The following ERBB4 variants were observed in gnomAD, a reference collection of about 807,000 sequenced individuals.
ERBB4 encodes erb-b2 receptor tyrosine kinase 4.
ERBB4 carries 42 observed loss-of-function variants against 158.0 expected under a neutral mutation model. That is an observed-to-expected ratio of 0.27 (90% CI 0.21 to 0.34). The LOEUF (loss-of-function observed/expected upper bound fraction) is 0.34, where lower values mean the gene tolerates loss of function less well. Ranked by LOEUF, ERBB4 falls within the 10% of genes least tolerant of loss-of-function variation. The pLI, the probability that ERBB4 is intolerant of heterozygous loss-of-function variation, is 1.00. For missense variants in ERBB4, 1,333 were observed against 1,624.1 expected, an observed-to-expected ratio of 0.82 and a Z score of 3.08; for synonymous variants, 583 against 558.7, an observed-to-expected ratio of 1.04 and a Z score of -0.61.
intron 12 of ERBB4, among the ~76,000 whole-genome samples, chr2:211,687,033 T>C (rs2072584740): frequency 1.3e-5 from 2 of 151,816 alleles, no homozygotes; most frequent in African/African-American, 2.4e-5. Context: ...TGGTGGCTCA[T>C]GCCTGTAATC....
chr2:211,650,879 G>T (rs1349239739), intron 16 of ERBB4, among the ~76,000 whole-genome samples: 2 of 152,074 alleles, frequency 1.3e-5, no homozygotes, highest in African/African-American at 4.8e-5. Flanking sequence ...TCACAATCCA[G>T]TGTACTTTTT....
At chr2:211,728,153 T>C (rs769609645) in intron 5 of ERBB4, among the ~76,000 whole-genome samples, 1 of 151,870 alleles carries the variant, frequency 6.6e-6, no homozygotes. Flanking sequence ...TGACTCCTTA[T>C]GAACCTTCAT....
chr2:211,828,770 G>C (rs772907582), intron 3 of ERBB4, among the ~76,000 whole-genome samples: 2 of 152,002 alleles, frequency 1.3e-5, no homozygotes, highest in Non-Finnish European at 2.9e-5. Flanking sequence ...CTAGAGTCTG[G>C]ACTTACTTCT....
At chr2:211,540,624 C>T (rs746023836) in intron 20 of ERBB4, among the ~76,000 whole-genome samples, 1 of 151,506 alleles carries the variant, frequency 6.6e-6, no homozygotes, top group Non-Finnish European at 1.5e-5. Flanking sequence ...AGTGCAGTGG[C>T]GTGATCTCAG....
At chr2:211,440,078 C>T (rs73067269) in intron 20 of ERBB4, among the ~76,000 whole-genome samples, 6,015 of 152,204 alleles carry the variant, frequency 0.04, 372 homozygotes, top group African/African-American at 0.14. Context: ...AACAAAAAAG[C>T]AAATTAAACA....
chr2:211,677,463 T>C (rs2072122966), intron 13 of ERBB4, among the ~76,000 whole-genome samples: 1 of 151,378 alleles, frequency 6.6e-6, no homozygotes, highest in Non-Finnish European at 1.5e-5. Context: ...ACTTGGAGGC[T>C]GAGGCACGAG....
rs551492990 is a variant in ERBB4, at chr2:211,923,910, C to T, written c.421+23520G>A. 2.2e-4 allele frequency among the ~76,000 whole-genome samples: 33 copies of T among 152,172 alleles called. No homozygotes were observed. The East Asian group carries it at 4.3e-3, about 20-fold the overall frequency. On this transcript the variant is annotated intron_variant, in intron 3 of 27. Transcript: ENST00000342788. ...GCTAATTTTGTATTTTGAGTAGAGACGGGGTTTCACCATGTTGATCAGGCT... is the reference window on the plus strand; with the variant it reads ...GCTAATTTTGTATTTTGAGTAGAGATGGGGTTTCACCATGTTGATCAGGCT...
intron 4 of ERBB4, among the ~76,000 whole-genome samples, chr2:211,785,114 A>AG (rs2076129246): frequency 3.0e-5 from 3 of 99,242 alleles, no homozygotes; most frequent in South Asian, 6.6e-4. Context: ...TTTTTTTTTT[A>AG]TTTTTTGAGA....
chr2:211,959,640 A>G (rs2081127567), intron 2 of ERBB4, among the ~76,000 whole-genome samples: 1 of 152,130 alleles, frequency 6.6e-6, no homozygotes, highest in African/African-American at 2.4e-5. Context: ...TTTTACAGAG[A>G]AGCAATCATT....
At chr2:212,286,605 T>TTTGTTTTGTTTTG (rs1452719439) in intron 1 of ERBB4, among the ~76,000 whole-genome samples, 4 of 127,884 alleles carry the variant, frequency 3.1e-5, no homozygotes, top group Non-Finnish European at 6.6e-5. Context: ...TTTTTTTTTT[T>TTTGTTTTGTTTTG]TTTTTTTTTT....
At chr2:211,555,390 G>A (rs1280783280) in intron 20 of ERBB4, among the ~76,000 whole-genome samples, 1 of 152,032 alleles carries the variant, frequency 6.6e-6, no homozygotes, top group African/African-American at 2.4e-5. Flanking sequence ...TCTCCATGTT[G>A]GTCAGGCTGG....
chr2:211,840,376 A>G (rs1208367417), intron 3 of ERBB4, among the ~76,000 whole-genome samples: 1 of 151,966 alleles, frequency 6.6e-6, no homozygotes, highest in African/African-American at 2.4e-5. Flanking sequence ...TAAATTACCC[A>G]GTCTTGAATA....
rs373860190 is a variant in ERBB4, at chr2:211,630,610, A to AG, written c.1947-17dup. 6,572 of 1,599,934 alleles carry AG rather than the reference A, an allele frequency of 4.1e-3. 206 individuals carry two copies. The African/African-American group carries it at 0.084, about 20-fold the overall frequency. ...CAGGGGAGTTCTGACAACCAGAATG[A>AG]GAAAAAAAAAAATAAAAAGTATGAA... On this transcript the variant is annotated splice_polypyrimidine_tract_variant and intron_variant, in intron 16 of 27. Coordinates refer to ENST00000342788, the MANE Select transcript of ERBB4 (RefSeq NM_005235.3).
rs1175519999 is a variant in ERBB4 at position 211,818,310 on chromosome 2, T to C, written c.422-30151A>G. 2.6e-5 allele frequency among the ~76,000 whole-genome samples: 4 copies of C among 152,248 alleles called. No individual in the cohort carries two copies. In the East Asian group the frequency reaches 5.8e-4, roughly 22 times the overall value. On this transcript the variant is annotated intron_variant, in intron 3 of 27. Coordinates refer to ENST00000342788, the MANE Select transcript of ERBB4 (RefSeq NM_005235.3). Reference sequence around the variant, plus strand: ...CTGTTGGTGCAGAAGTTGTGGTGCATTGCTGATATAACAAACACAGTTTCC... The same window carrying C: ...CTGTTGGTGCAGAAGTTGTGGTGCACTGCTGATATAACAAACACAGTTTCC...
intron 3 of ERBB4, among the ~76,000 whole-genome samples, chr2:211,849,289 C>A (rs1296498461): frequency 6.6e-6 from 1 of 151,878 alleles, no homozygotes; most frequent in South Asian, 2.1e-4. Flanking sequence ...ACTAGAAAAA[C>A]AGATGGGAGT....
At chr2:212,286,599 T>TTTTTTGTTTGTTTG (rs2085976187) in intron 1 of ERBB4, among the ~76,000 whole-genome samples, 1 of 83,832 alleles carries the variant, frequency 1.2e-5, no homozygotes, top group African/African-American at 6.9e-5. Context: ...GCTGACTTTT[T>TTTTTTGTTTGTTTG]TTTTTTTTTT....
At chr2:212,421,932 C>G (rs1308599594) in intron 1 of ERBB4, among the ~76,000 whole-genome samples, 1 of 152,158 alleles carries the variant, frequency 6.6e-6, no homozygotes, top group East Asian at 1.9e-4. Flanking sequence ...CTACACAACT[C>G]TAATTCAAAG....
intron 20 of ERBB4, among the ~76,000 whole-genome samples, chr2:211,510,842 T>C (rs1005264307): frequency 6.6e-6 from 1 of 152,048 alleles, no homozygotes; most frequent in Admixed American, 6.5e-5. Flanking sequence ...AATATGACAA[T>C]CTCATTTATT....
chr2:211,813,026 C>T (rs1416119294), intron 3 of ERBB4, among the ~76,000 whole-genome samples: 1 of 152,174 alleles, frequency 6.6e-6, no homozygotes, highest in African/African-American at 2.4e-5. Context: ...CCGCCCTGTT[C>T]CAGCTCGCCC....
Sources: allele counts gnomAD v4.1 joint callset (sites outside exome capture counted in the v4.1 genomes callset), GRCh38; gene constraint gnomAD v4.1.1; transcripts MANE v1.5; gene names NCBI Gene and HGNC (gene_info 2026-07-23, HGNC 2026-07-21).